The following CCNY variants were observed in gnomAD, a reference collection of about 807,000 sequenced individuals.
The protein encoded by CCNY is cyclin-Y.
A neutral mutation model predicts 42.8 loss-of-function variants in CCNY; 19 were observed. The observed-to-expected ratio is 0.44, with a 90% CI of 0.31 to 0.65. The LOEUF is 0.65. Ranked by LOEUF, CCNY falls within the 30% of genes least tolerant of loss-of-function variation. CCNY has a pLI of 0.07. For missense variants in CCNY, 370 were observed against 437.3 expected, an observed-to-expected ratio of 0.85 and a Z score of 1.37; for synonymous variants, 165 against 162.7, an observed-to-expected ratio of 1.01 and a Z score of -0.11.
intron 3 of CCNY, among the ~76,000 whole-genome samples, chr10:35,280,718 C>A (rs1395421926): frequency 6.6e-6 from 1 of 151,846 alleles, no homozygotes; most frequent in Admixed American, 6.6e-5. Flanking sequence ...ACACTGAAAG[C>A]AAGAGAAGTC....
At chr10:35,426,105 G>GCACACACACACACACACACACA (rs1356511719) in intron 1 of CCNY, among the ~76,000 whole-genome samples, 1 of 57,970 alleles carries the variant, frequency 1.7e-5, no homozygotes. Flanking sequence ...CACTGGTCCA[G>GCACACACACACACACACACACA]CACGCGCACA....
At chr10:35,420,133 C>T (rs907672456) in intron 1 of CCNY, among the ~76,000 whole-genome samples, 2 of 152,046 alleles carry the variant, frequency 1.3e-5, no homozygotes, top group African/African-American at 4.8e-5. Context: ...GTGGAAGAAT[C>T]ATCATGTATA....
intron 8 of CCNY, among the ~76,000 whole-genome samples, chr10:35,560,918 A>T (rs1270692818): frequency 6.6e-6 from 1 of 152,162 alleles, no homozygotes; most frequent in Non-Finnish European, 1.5e-5. Flanking sequence ...TGGGGAGAGG[A>T]GGTAGCACAA....
chr10:35,262,658 G>A (rs946677034), intron 3 of CCNY, among the ~76,000 whole-genome samples: 8 of 152,088 alleles, frequency 5.3e-5, no homozygotes, highest in African/African-American at 1.9e-4. Context: ...CGCCATGACT[G>A]GCCAGCATGA....
intron 3 of CCNY, among the ~76,000 whole-genome samples, chr10:35,262,028 AT>A (rs1177503513): frequency 1.3e-5 from 2 of 149,598 alleles, no homozygotes; most frequent in African/African-American, 5.0e-5. Context: ...TCTCAAAAAA[AT>A]AAAATAAAAT....
intron 3 of CCNY, among the ~76,000 whole-genome samples, chr10:35,283,958 C>A (rs1408696407): frequency 6.6e-6 from 1 of 152,010 alleles, no homozygotes; most frequent in African/African-American, 2.4e-5. Context: ...GTGGCACATA[C>A]CTGTAGTCCC....
chr10:35,335,544 C>G (rs1490221838), upstream of CCNY, among the ~76,000 whole-genome samples: 1 of 151,948 alleles, frequency 6.6e-6, no homozygotes, highest in African/African-American at 2.4e-5. Flanking sequence ...AATCAAGCCC[C>G]AGCTTATTTA....
At chr10:35,518,323 CA>C (rs1481350209) in intron 4 of CCNY, among the ~76,000 whole-genome samples, 1 of 152,250 alleles carries the variant, frequency 6.6e-6, no homozygotes, top group Non-Finnish European at 1.5e-5. Context: ...AGCTTAAAAA[CA>C]CACTGATGAT....
At chr10:35,426,175 TCA>T (rs1838267877) in intron 1 of CCNY, among the ~76,000 whole-genome samples, 1 of 145,288 alleles carries the variant, frequency 6.9e-6, no homozygotes, top group African/African-American at 2.6e-5. Flanking sequence ...GCGTGTGCTC[TCA>T]TTCACACACA....
intron 7 of CCNY, among the ~76,000 whole-genome samples, chr10:35,542,894 C>G (rs1456677833): frequency 1.3e-5 from 2 of 152,188 alleles, no homozygotes; most frequent in African/African-American, 4.8e-5. Flanking sequence ...AAGTGGTGGT[C>G]AAGTCACTAG....
intron 1 of CCNY, among the ~76,000 whole-genome samples, chr10:35,368,853 G>A (rs1454924770): frequency 6.6e-6 from 1 of 152,110 alleles, no homozygotes; most frequent in Non-Finnish European, 1.5e-5. Flanking sequence ...CTTAACCGGT[G>A]CTCGGAGGTA....
At chr10:35,377,121 A>G (rs1483722128) in intron 1 of CCNY, among the ~76,000 whole-genome samples, 3 of 152,176 alleles carry the variant, frequency 2.0e-5, no homozygotes. Flanking sequence ...CCTATCGCTG[A>G]GTGTTGCCGT....
At chr10:35,412,803 G>T (rs1209834066) in intron 1 of CCNY, among the ~76,000 whole-genome samples, 1 of 141,412 alleles carries the variant, frequency 7.1e-6, no homozygotes, top group African/African-American at 2.6e-5. Flanking sequence ...GGAGGTTGCA[G>T]TGAGCCGAGA....
chr10:35,410,506 A>C (rs1837880964), intron 1 of CCNY, among the ~76,000 whole-genome samples: 1 of 152,240 alleles, frequency 6.6e-6, no homozygotes, highest in Admixed American at 6.5e-5. Flanking sequence ...AAATGTCACA[A>C]AGTAAGGCAA....
At chr10:35,536,611 G>T (rs1840892011) in intron 7 of CCNY, among the ~76,000 whole-genome samples, 1 of 152,190 alleles carries the variant, frequency 6.6e-6, no homozygotes, top group African/African-American at 2.4e-5. Flanking sequence ...GCCTTAGATG[G>T]AGATGAGGAA....
chr10:35,551,199 G>A lies in CCNY; in HGVS notation c.580-1820G>A, dbSNP rs150281906. On this transcript the variant is annotated intron_variant, in intron 7 of 9. Coordinates refer to ENST00000374704, the MANE Select transcript of CCNY (RefSeq NM_145012.6). ...TCCCGTAAGAGACCTCTCCCAATCAGTGTTAATTACCCTTTTTCTCAAGAA... is the reference window on the plus strand; with the variant it reads ...TCCCGTAAGAGACCTCTCCCAATCAATGTTAATTACCCTTTTTCTCAAGAA... Among the ~76,000 whole-genome samples the A allele has an allele frequency of 4.3e-3, 655 of 152,218 alleles. 1 individual carries two copies. Among genetic ancestry groups the A allele is most frequent in the Middle Eastern group, 0.037 (11 of 294 alleles).
chr10:35,496,134 G>A (rs1440824503), intron 2 of CCNY, among the ~76,000 whole-genome samples: 1 of 152,212 alleles, frequency 6.6e-6, no homozygotes, highest in Non-Finnish European at 1.5e-5. Context: ...ACAAAATTCT[G>A]TCATTCTTTA....
intron 2 of CCNY, among the ~76,000 whole-genome samples, chr10:35,249,075 G>A (rs1209027807): frequency 6.6e-6 from 1 of 151,976 alleles, no homozygotes; most frequent in Non-Finnish European, 1.5e-5. Context: ...AACCCCAACA[G>A]GTGCATGCCA....
At chr10:35,489,961 A>G (rs1402283599) in intron 2 of CCNY, among the ~76,000 whole-genome samples, 1 of 152,194 alleles carries the variant, frequency 6.6e-6, no homozygotes, top group Non-Finnish European at 1.5e-5. Flanking sequence ...GGGAGAATAA[A>G]TCTAGGCCTA....
Sources: allele counts gnomAD v4.1 joint callset (sites outside exome capture counted in the v4.1 genomes callset), GRCh38; gene constraint gnomAD v4.1.1; transcripts MANE v1.5; gene names NCBI Gene and HGNC (gene_info 2026-07-23, HGNC 2026-07-21).